Variants in MAD1L1 observed in about 807,000 individuals in gnomAD.
The protein encoded by MAD1L1 is mitotic spindle assembly checkpoint protein MAD1.
Under a neutral mutation model 96.9 loss-of-function variants are expected in MAD1L1, and 95 were observed. The observed-to-expected ratio is 0.98, with a 90% CI of 0.83 to 1.16. The LOEUF (loss-of-function observed/expected upper bound fraction) is 1.16. Among genes scored for constraint, MAD1L1 ranks in the 50% most tolerant of loss-of-function variants. The probability of loss-of-function intolerance (pLI) is 0.00; values close to 1 mark genes in which losing one functional copy is unlikely to be tolerated. For synonymous variants in MAD1L1, 473 were observed against 396.6 expected, an observed-to-expected ratio of 1.19 and a Z score of -2.29; for missense variants, 1,007 against 954.4, an observed-to-expected ratio of 1.06 and a Z score of -0.73.
intron 11 of MAD1L1, among the ~76,000 whole-genome samples, chr7:2,115,646 A>G (rs1256132316): frequency 6.6e-6 from 1 of 152,248 alleles, no homozygotes; most frequent in Non-Finnish European, 1.5e-5. Context: ...GAGGCTCCAC[A>G]TGGCGTGTCA....
intron 12 of MAD1L1, among the ~76,000 whole-genome samples, chr7:2,051,870 G>GACATGGA (rs1284855006): frequency 4.0e-5 from 6 of 151,584 alleles, no homozygotes; most frequent in Non-Finnish European, 8.8e-5. Context: ...GACAAGCTGA[G>GACATGGA]CAGCAGGTGC....
intron 16 of MAD1L1, among the ~76,000 whole-genome samples, chr7:1,949,738 G>A (rs905836337): frequency 2.6e-5 from 4 of 152,230 alleles, no homozygotes; most frequent in South Asian, 2.1e-4. Context: ...TCCCTTGGAC[G>A]CAGTGCCTGC....
chr7:1,989,672 A>G (rs2128488452), intron 14 of MAD1L1, among the ~76,000 whole-genome samples: 1 of 152,098 alleles, frequency 6.6e-6, no homozygotes, highest in African/African-American at 2.4e-5. Flanking sequence ...GACCAGCCCC[A>G]GCGTGGACCA....
At chr7:1,973,949 C>G (rs753663756) in intron 15 of MAD1L1, among the ~76,000 whole-genome samples, 1 of 152,222 alleles carries the variant, frequency 6.6e-6, no homozygotes. Flanking sequence ...GGGCAGGAGA[C>G]GCGCTCCCCG....
At chr7:2,163,886 A>T (rs1248961887) in intron 10 of MAD1L1, among the ~76,000 whole-genome samples, 1 of 152,014 alleles carries the variant, frequency 6.6e-6, no homozygotes, top group Admixed American at 6.6e-5. Flanking sequence ...CGTGCATGTA[A>T]ATAGTCTTGT....
At chr7:2,162,708 C>CAAAAAAAA (rs200992128) in intron 10 of MAD1L1, among the ~76,000 whole-genome samples, 18 of 96,520 alleles carry the variant, frequency 1.9e-4, no homozygotes, top group African/African-American at 6.3e-4. Context: ...CCACCACTCA[C>CAAAAAAAA]AAAAAAAAAA....
chr7:2,055,619 G>A lies in MAD1L1; in HGVS notation c.1218+13575C>T, dbSNP rs185654413. On this transcript the variant is annotated intron_variant, in intron 12 of 18. Transcript: ENST00000265854. ...TGCGATGTCGAGGCTGCAGTGAGCC[G>A]AGACCACACTACTGTACTCCAGCCT... is the stretch of plus-strand genomic sequence containing the variant. Among the ~76,000 whole-genome samples, 293 of 146,586 alleles carry A rather than the reference G, an allele frequency of 2.0e-3. 3 individuals carry two copies. Among genetic ancestry groups the A allele is most frequent in the South Asian group, 0.019 (85 of 4,552 alleles).
chr7:2,155,575 C>T (rs986126930), intron 10 of MAD1L1, among the ~76,000 whole-genome samples: 1 of 152,220 alleles, frequency 6.6e-6, no homozygotes, highest in Non-Finnish European at 1.5e-5. Flanking sequence ...TTCTCTGTGA[C>T]GGGCTCACTC....
chr7:2,093,286 T>C (rs1361243492), intron 11 of MAD1L1, among the ~76,000 whole-genome samples: 1 of 143,464 alleles, frequency 7.0e-6, no homozygotes, highest in African/African-American at 2.6e-5. Flanking sequence ...GGGCAGTACA[T>C]AGCCAAAAAG....
At chr7:1,826,645 C>A (rs1263636172) in intron 18 of MAD1L1, among the ~76,000 whole-genome samples, 1 of 152,256 alleles carries the variant, frequency 6.6e-6, no homozygotes, top group Non-Finnish European at 1.5e-5. Context: ...GCAGATGCTG[C>A]CGCGTGAGCA....
chr7:2,078,485 G>T (rs1584266984), intron 11 of MAD1L1, among the ~76,000 whole-genome samples: 1 of 152,242 alleles, frequency 6.6e-6, no homozygotes, highest in Non-Finnish European at 1.5e-5. Context: ...TGAGCCAGGA[G>T]ATGCTCCCTG....
chr7:1,847,678 A>C, intron 18 of MAD1L1: 1 of 470,706 alleles, frequency 2.1e-6, no homozygotes, highest in South Asian at 1.5e-5. Context: ...CTGGACGCAT[A>C]CACTGGGGAG....
chr7:2,064,476 G>C (rs1269615788), intron 12 of MAD1L1, among the ~76,000 whole-genome samples: 2 of 152,232 alleles, frequency 1.3e-5, no homozygotes, highest in African/African-American at 4.8e-5. Context: ...GGATGGCTCA[G>C]GCTCACAAGA....
rs1787883430 is a variant in MAD1L1, at chr7:2,119,677, A to G, written c.1073+29475T>C. On this transcript the variant is annotated intron_variant, in intron 11 of 18. Transcript: ENST00000265854. The surrounding 1 kb of genome is among the most constrained non-coding windows in gnomAD (Gnocchi z 4.6). ...TCTGGAGGGTAACCTGTGCTGAGTG[A>G]CAATGCACCCCGAAACCCAGAGTGC... 6.6e-6 allele frequency among the ~76,000 whole-genome samples: 1 copy of G among 152,154 alleles called. No individual in the cohort carries two copies. Among genetic ancestry groups the G allele is most frequent in the South Asian group, 2.1e-4 (1 of 4,836 alleles).
At chr7:1,888,448 GTGTGC>G (rs1786306385) in intron 18 of MAD1L1, among the ~76,000 whole-genome samples, 1 of 141,238 alleles carries the variant, frequency 7.1e-6, no homozygotes, top group Non-Finnish European at 1.6e-5. Context: ...CTGTACATGT[GTGTGC>G]ACGCATGTAT....
At chr7:2,094,864 G>C (rs1177163515) in intron 11 of MAD1L1, among the ~76,000 whole-genome samples, 1 of 152,170 alleles carries the variant, frequency 6.6e-6, no homozygotes, top group Non-Finnish European at 1.5e-5. Flanking sequence ...ACAGGAAGTG[G>C]GGGGGCAGGA....
chr7:2,138,938 A>C (rs1296310097), intron 11 of MAD1L1, among the ~76,000 whole-genome samples: 1 of 152,128 alleles, frequency 6.6e-6, no homozygotes, highest in Non-Finnish European at 1.5e-5. Flanking sequence ...AGAGTCCTGG[A>C]CCTGATTTTC....
chr7:1,857,160 G>C (rs116620823), intron 18 of MAD1L1, among the ~76,000 whole-genome samples: 1 of 152,212 alleles, frequency 6.6e-6, no homozygotes, highest in Admixed American at 6.5e-5. Flanking sequence ...CCAGAGCCAC[G>C]GTTTCTTAGG....
At chr7:1,910,012 G>A (rs538187495) in intron 17 of MAD1L1, among the ~76,000 whole-genome samples, 4 of 152,328 alleles carry the variant, frequency 2.6e-5, no homozygotes, top group African/African-American at 7.2e-5. Flanking sequence ...ACTCCAGCAA[G>A]CAGCTTGTCA....
Sources: gnomAD v4.1 joint callset for allele counts (sites outside exome capture counted in the v4.1 genomes callset) on GRCh38, gnomAD v4.1.1 for gene constraint, Gnocchi (gnomAD v3.1) non-coding constraint, MANE v1.5 for transcripts, NCBI Gene and HGNC (gene_info 2026-07-23, HGNC 2026-07-21) for gene names.